Variants in UBE2U observed in about 807,000 individuals in gnomAD.
The protein encoded by UBE2U is ubiquitin-conjugating enzyme E2 U.
UBE2U carries 39 observed loss-of-function variants against 41.2 expected under a neutral mutation model. The ratio of observed to expected loss-of-function variants is 0.95; its 90% confidence interval spans 0.73 to 1.24. UBE2U has a LOEUF of 1.24. UBE2U is among the 50% of genes most tolerant of loss of function. The pLI is 0.00. For synonymous variants in UBE2U, 107 were observed against 117.8 expected (o/e 0.91, Z 0.60); for missense variants, 336 against 363.1 (o/e 0.93, Z 0.61).
chr1:64,208,886 T>C (rs982143738), intron 3 of UBE2U, among the ~76,000 whole-genome samples: 1 of 152,138 alleles, frequency 6.6e-6, no homozygotes, highest in African/African-American at 2.4e-5. Context: ...CAGAAATATG[T>C]TGAAAATACA....
chr1:64,253,075 C>T (rs1645036899), intron 8 of UBE2U, among the ~76,000 whole-genome samples: 1 of 151,038 alleles, frequency 6.6e-6, no homozygotes, highest in Non-Finnish European at 1.5e-5. Context: ...CATAAACAAC[C>T]TGATGGAGCT....
intron 9 of UBE2U, 141 bp from the exon 10 acceptor site, chr1:64,266,883 A>T (rs1645262577): frequency 7.2e-6 from 5 of 697,692 alleles, no homozygotes; most frequent in African/African-American, 1.9e-5. Context: ...CAAAACATGA[A>T]GTTTAGAAAG....
intron 6 of UBE2U, among the ~76,000 whole-genome samples, chr1:64,222,139 A>G (rs1652534985): frequency 6.6e-6 from 1 of 151,528 alleles, no homozygotes; most frequent in African/African-American, 2.4e-5. Context: ...TATCTTCATG[A>G]AAAAATGTTG....
At chr1:64,204,191 C>A in intron 1 of UBE2U, 75 bp downstream of exon 1, 1 of 1,409,044 alleles carries the variant, frequency 7.1e-7, no homozygotes, top group South Asian at 1.3e-5. Context: ...CCATTTTATT[C>A]TATAAGTAGT....
intron 4 of UBE2U, among the ~76,000 whole-genome samples, chr1:64,213,762 G>T (rs1651799597): frequency 6.6e-6 from 1 of 152,132 alleles, no homozygotes; most frequent in South Asian, 2.1e-4. Flanking sequence ...TCTGAGAAAT[G>T]AGTTGTTACA....
At chr1:64,212,231 A>G (rs1651707027) in intron 4 of UBE2U, among the ~76,000 whole-genome samples, 1 of 152,214 alleles carries the variant, frequency 6.6e-6, no homozygotes, top group Non-Finnish European at 1.5e-5. Context: ...GGATTCCTTT[A>G]AACTGAGACA....
intron 7 of UBE2U, among the ~76,000 whole-genome samples, chr1:64,236,004 A>G (rs1482764234): frequency 6.6e-6 from 1 of 152,194 alleles, no homozygotes; most frequent in East Asian, 1.9e-4. Context: ...GTGAGGGAGA[A>G]TATCATATGT....
At chr1:64,216,008 G>A (rs1283555596) in intron 5 of UBE2U, among the ~76,000 whole-genome samples, 3 of 152,042 alleles carry the variant, frequency 2.0e-5, no homozygotes, top group Non-Finnish European at 4.4e-5. Flanking sequence ...CAATCAACAG[G>A]CCTTGATTTC....
intron 6 of UBE2U, among the ~76,000 whole-genome samples, chr1:64,228,774 C>G (rs1399433933): frequency 6.9e-6 from 1 of 144,986 alleles, no homozygotes; most frequent in African/African-American, 2.6e-5. Flanking sequence ...ACTGCAACCT[C>G]TGCCTCTGGG....
chr1:64,204,476 C>T (rs797017453), intron 1 of UBE2U, among the ~76,000 whole-genome samples: 1 of 152,122 alleles, frequency 6.6e-6, no homozygotes. Flanking sequence ...AAACCTAAGC[C>T]TCAGAAATAT....
At chr1:64,221,419 GC>G (rs1441266048) in intron 6 of UBE2U, among the ~76,000 whole-genome samples, 1 of 152,032 alleles carries the variant, frequency 6.6e-6, no homozygotes, top group East Asian at 1.9e-4. Context: ...GGCCGATCTT[GC>G]CTTTTTTATA....
In UBE2U at chr1:64,232,666, T is replaced by G. The variant is rs1270042141; in HGVS notation, c.595+17T>G. On this transcript the variant is annotated intron_variant, in intron 7 of 9. Transcript: ENST00000371077. ...GAACTCCATGTAAGGTGAACTATCCTTATCCTATGTCCTTTTGGTATATGT... is the reference window on the plus strand; with the variant it reads ...GAACTCCATGTAAGGTGAACTATCCGTATCCTATGTCCTTTTGGTATATGT... 6.3e-7 allele frequency: 1 copy of G among 1,583,056 alleles called. No individual in the cohort carries two copies. The highest frequency in any genetic ancestry group is 1.3e-5 in the African/African-American group (1 of 74,074).
At chr1:64,266,393 G>T (rs890573091) in intron 9 of UBE2U, among the ~76,000 whole-genome samples, 3 of 152,068 alleles carry the variant, frequency 2.0e-5, no homozygotes, top group Admixed American at 2.0e-4. Flanking sequence ...TTATTAGCTG[G>T]ATATCTTTGA....
chr1:64,263,468 C>T (rs888557270), intron 9 of UBE2U, among the ~76,000 whole-genome samples: 21 of 152,286 alleles, frequency 1.4e-4, no homozygotes, highest in African/African-American at 4.8e-4. Context: ...TGAGCTTGCC[C>T]ACCCACGTTT....
At chr1:64,230,924 A>G (rs1644552399) in intron 6 of UBE2U, among the ~76,000 whole-genome samples, 1 of 152,204 alleles carries the variant, frequency 6.6e-6, no homozygotes. Flanking sequence ...GGTTGAAACT[A>G]TAAACACATG....
At chr1:64,246,384 G>C (rs745954727) in intron 8 of UBE2U, among the ~76,000 whole-genome samples, 4 of 152,144 alleles carry the variant, frequency 2.6e-5, no homozygotes, top group Admixed American at 6.6e-5. Flanking sequence ...ATGCTGAGTA[G>C]ATTCTTTTAA....
chr1:64,266,050 G>GT (rs1323161013), intron 9 of UBE2U, among the ~76,000 whole-genome samples: 1 of 152,194 alleles, frequency 6.6e-6, no homozygotes, highest in Non-Finnish European at 1.5e-5. Flanking sequence ...AGTGAATCCG[G>GT]TGACAACTAG....
intron 7 of UBE2U, among the ~76,000 whole-genome samples, chr1:64,234,179 T>G (rs1181144514): frequency 6.6e-6 from 1 of 152,230 alleles, no homozygotes; most frequent in African/African-American, 2.4e-5. Flanking sequence ...ACATCTCACC[T>G]ATGTGTATTA....
chr1:64,229,981 G>T (rs1213188707), intron 6 of UBE2U, among the ~76,000 whole-genome samples: 1 of 152,104 alleles, frequency 6.6e-6, no homozygotes, highest in South Asian at 2.1e-4. Context: ...AATTAAACTC[G>T]TATTTTACTT....
Sources: allele counts gnomAD v4.1 joint callset (sites outside exome capture counted in the v4.1 genomes callset), GRCh38; gene constraint gnomAD v4.1.1; transcripts MANE v1.5; gene names NCBI Gene and HGNC (gene_info 2026-07-23, HGNC 2026-07-21).